The following ADAM18 variants were observed in gnomAD, a reference collection of about 807,000 sequenced individuals.
ADAM18 encodes the protein ADAM metallopeptidase domain 18.
In ADAM18, 117 loss-of-function variants were observed where a neutral mutation model predicts 94.4. The observed-to-expected ratio is 1.24, with a 90% CI of 1.07 to 1.45. The LOEUF is 1.45. Ranked by LOEUF, ADAM18 falls within the 40% of genes most tolerant of loss-of-function variation. The probability of loss-of-function intolerance (pLI) is 0.00; values close to 1 mark genes in which losing one functional copy is unlikely to be tolerated. For synonymous variants in ADAM18, 327 were observed against 291.6 expected, an observed-to-expected ratio of 1.12 and a Z score of -1.24; for missense variants, 936 against 880.0, an observed-to-expected ratio of 1.06 and a Z score of -0.81.
chr8:39,713,764 T>C (rs912605449), intron 18 of ADAM18, among the ~76,000 whole-genome samples: 1 of 151,816 alleles, frequency 6.6e-6, no homozygotes, highest in Non-Finnish European at 1.5e-5. Context: ...CCAGTTAGAA[T>C]GGCAATCATT....
In ADAM18 at chr8:39,637,314, G is replaced by A; in HGVS notation, c.639G>A (p.Gln213=). 6.2e-7 allele frequency: 1 copy of A among 1,605,906 alleles called. No homozygotes were observed. Among genetic ancestry groups the A allele is most frequent in the East Asian group, 2.2e-5 (1 of 44,658 alleles). Residue 213 remains glutamine (Q), a synonymous_variant, in exon 8 of 20, where the codon CAG becomes CAA. Transcript: ENST00000265707. ...TGGCTGTAACACAAAAAATTGTCCA[G>A]GTTATTGGGCTTGTCAACACTGTAA... ...EMMAVTQKIV[Q]VIGLVNTMFT...
At chr8:39,714,076 G>A (rs36175295) in intron 18 of ADAM18, among the ~76,000 whole-genome samples, 59,869 of 152,092 alleles carry the variant, frequency 0.39, 13,566 homozygotes, top group Non-Finnish European at 0.51. Flanking sequence ...TTAAGAAACC[G>A]TGGCACATGT....
rs1820978511 is a variant in ADAM18 at position 39,665,703 on chromosome 8, G to A, written c.1326+1813G>A. Among the ~76,000 whole-genome samples the A allele has an allele frequency of 4.6e-5, 7 of 152,010 alleles. No homozygotes were observed. In the South Asian group the frequency reaches 1.5e-3, roughly 32 times the overall value. ...AAATCATTGATCCATACAAATTATT[G>A]ATTATAAATTACTGATTAACCATTG... On this transcript the variant is annotated intron_variant, in intron 13 of 19. Transcript: ENST00000265707.
At chr8:39,618,879 G>A (rs759002656) in intron 6 of ADAM18, among the ~76,000 whole-genome samples, 2 of 152,226 alleles carry the variant, frequency 1.3e-5, no homozygotes, top group African/African-American at 2.4e-5. Context: ...AGCACATCAC[G>A]CGCTGTTGGC....
Position 39,685,824 on chromosome 8 carries a change from A to G in ADAM18, c.1821+5598A>G, listed in dbSNP as rs148929507. Among the ~76,000 whole-genome samples, 126 of 152,288 alleles carry G rather than the reference A, an allele frequency of 8.3e-4. 1 individual carries two copies. The highest frequency in any genetic ancestry group is 2.1e-3 in the East Asian group (11 of 5,180). On this transcript the variant is annotated intron_variant, in intron 16 of 19. Transcript: ENST00000265707. ...CTGCTAACATATTTCTTCTTCTGTG[A>G]AGTATCTTATTTCATGGCTCAGAAA...
intron 2 of ADAM18, 112 bp from the exon 3 acceptor site, chr8:39,606,195 G>T (rs1489293589): frequency 4.8e-6 from 3 of 622,296 alleles, no homozygotes; most frequent in East Asian, 6.3e-5. Context: ...AAATTCTAAA[G>T]ATTATGTTCA....
At chr8:39,622,953 G>C (rs1819656109) in intron 6 of ADAM18, among the ~76,000 whole-genome samples, 1 of 152,082 alleles carries the variant, frequency 6.6e-6, no homozygotes, top group Admixed American at 6.6e-5. Context: ...GGTGATGTCT[G>C]AGATTTACTC....
intron 14 of ADAM18, 99 bp downstream of exon 14, chr8:39,668,295 C>A: frequency 1.8e-6 from 2 of 1,135,662 alleles, no homozygotes; most frequent in Non-Finnish European, 2.5e-6. Flanking sequence ...GAAACTGAAC[C>A]ACAAGATTAA....
chr8:39,657,681 G>T (rs1228321522), intron 12 of ADAM18, among the ~76,000 whole-genome samples: 3 of 152,002 alleles, frequency 2.0e-5, no homozygotes, highest in Non-Finnish European at 4.4e-5. Flanking sequence ...GTTGTTTTGG[G>T]GAAATGTCAA....
At chr8:39,611,530 T>G (rs1307669315) in intron 6 of ADAM18, 15 of 985,372 alleles carry the variant, frequency 1.5e-5, no homozygotes, top group Non-Finnish European at 1.8e-5. Context: ...AGTTCATTAT[T>G]GCCAAAAGTA....
At chr8:39,643,317 G>A (rs1820286204) in intron 10 of ADAM18, among the ~76,000 whole-genome samples, 1 of 152,034 alleles carries the variant, frequency 6.6e-6, no homozygotes, top group Non-Finnish European at 1.5e-5. Flanking sequence ...AATAGGAGTG[G>A]TGAGAGAGGG....
intron 17 of ADAM18, 39 bp downstream of exon 17, chr8:39,692,719 T>C (rs1399055099): frequency 6.7e-7 from 1 of 1,498,402 alleles, no homozygotes; most frequent in Non-Finnish European, 9.2e-7. Flanking sequence ...GTTATTCTTG[T>C]GGGTAATTCA....
chr8:39,705,203 G>T (rs1019687631), intron 17 of ADAM18, among the ~76,000 whole-genome samples: 3 of 152,050 alleles, frequency 2.0e-5, no homozygotes, highest in African/African-American at 4.8e-5. Flanking sequence ...TTTTGTGTGT[G>T]TGTGTTCTTA....
rs977082902 is a variant in ADAM18 at position 39,699,961 on chromosome 8, A to G, written c.1903-6829A>G. On this transcript the variant is annotated intron_variant, in intron 17 of 19. Transcript: ENST00000265707. ...TAGAATGTATGTGAACAAGAGGGAC[A>G]CAAAGATTACAGAGAAATGTATTTT... Among the ~76,000 whole-genome samples, 5 of 152,216 alleles carry G rather than the reference A, an allele frequency of 3.3e-5. No individual in the cohort carries two copies. The South Asian group carries it at 1.0e-3, about 31-fold the overall frequency.
intron 6 of ADAM18, among the ~76,000 whole-genome samples, chr8:39,626,805 A>G: frequency 6.6e-6 from 1 of 152,008 alleles, no homozygotes; most frequent in Non-Finnish European, 1.5e-5. Context: ...ATTTATTGAG[A>G]CTTATTTTGT....
chr8:39,668,046 G>A lies in ADAM18; in HGVS notation c.1375G>A (p.Asp459Asn). ...TAGAAAGAGTATTGATCCAGAGTGT[G>A]ATTTTACAGAGTACTGCAATGGAAC... ...PCRKSIDPEC[D>N]FTEYCNGTSS... Residue 459 changes from aspartate to asparagine, a missense_variant, in exon 14 of 20, where the codon GAT (aspartate) becomes AAT (asparagine). Coordinates refer to ENST00000265707, the MANE Select transcript of ADAM18 (RefSeq NM_014237.3). 6.2e-7 allele frequency: 1 copy of A among 1,614,076 alleles called. No homozygotes were observed. The highest frequency in any genetic ancestry group is 1.1e-5 in the South Asian group (1 of 91,076).
intron 13 of ADAM18, among the ~76,000 whole-genome samples, chr8:39,667,682 TC>T (rs1259844636): frequency 1.3e-5 from 2 of 152,200 alleles, no homozygotes; most frequent in Non-Finnish European, 2.9e-5. Context: ...GAGACAGTGT[TC>T]CTATAGTTCC....
At chr8:39,649,727 G>T (rs1820475527) in intron 12 of ADAM18, among the ~76,000 whole-genome samples, 1 of 152,066 alleles carries the variant, frequency 6.6e-6, no homozygotes, top group African/African-American at 2.4e-5. Context: ...TACCTCAGTG[G>T]TATGTGCATC....
chr8:39,644,477 G>A (rs1010585371), intron 10 of ADAM18, among the ~76,000 whole-genome samples: 2 of 151,878 alleles, frequency 1.3e-5, no homozygotes, highest in African/African-American at 4.8e-5. Context: ...TTGTAGAGAC[G>A]GAGTCTCACT....
Sources: allele counts gnomAD v4.1 joint callset (sites outside exome capture counted in the v4.1 genomes callset), GRCh38; gene constraint gnomAD v4.1.1; transcripts MANE v1.5; gene names NCBI Gene and HGNC (gene_info 2026-07-23, HGNC 2026-07-21).